Variants in KIAA0825 observed in about 807,000 individuals in gnomAD.
The protein encoded by KIAA0825 is KIAA0825.
A neutral mutation model predicts 147.6 loss-of-function variants in KIAA0825; 119 were observed. The observed-to-expected ratio is 0.81, with a 90% confidence interval of 0.69 to 0.94. The LOEUF (loss-of-function observed/expected upper bound fraction) is 0.94. KIAA0825 is among the 40% of genes least tolerant of loss of function. KIAA0825 has a pLI of 0.00. For synonymous variants in KIAA0825, 470 were observed against 518.1 expected, an observed-to-expected ratio of 0.91 and a Z score of 1.26; for missense variants, 1,381 against 1,472.7, an observed-to-expected ratio of 0.94 and a Z score of 1.02.
chr5:94,267,663 A>T (rs1200510104), intron 20 of KIAA0825, among the ~76,000 whole-genome samples: 2 of 152,094 alleles, frequency 1.3e-5, no homozygotes, highest in Admixed American at 1.3e-4. Context: ...ATTCAGAAAT[A>T]TTTGTTTTGT....
At chr5:94,573,740 T>TC (rs1221851909) in intron 2 of KIAA0825, among the ~76,000 whole-genome samples, 7 of 152,272 alleles carry the variant, frequency 4.6e-5, no homozygotes, top group Admixed American at 4.6e-4. Context: ...ATGCAGATAT[T>TC]CCCCCACAAA....
In KIAA0825 at chr5:94,473,521, T is replaced by G. The variant is rs1319936443; in HGVS notation, c.1228-2A>C. The G allele has an allele frequency of 6.5e-7, 1 of 1,535,492 alleles. No homozygotes were observed. Among genetic ancestry groups the G allele is most frequent in the African/African-American group, 1.4e-5 (1 of 72,692 alleles). ...CCAGCCAAAATCTAGTAAGGTAGCC[T>G]GAAATATCAATGTATATGAAGTCAT... On this transcript the variant is annotated splice_acceptor_variant, in intron 7 of 20. Coordinates refer to ENST00000682413, the MANE Select transcript of KIAA0825 (RefSeq NM_001145678.3). LOFTEE classifies it high-confidence loss of function.
At chr5:94,225,792 G>A (rs573774170) in intron 20 of KIAA0825, among the ~76,000 whole-genome samples, 137 of 152,266 alleles carry the variant, frequency 9.0e-4, no homozygotes, top group African/African-American at 3.2e-3. Context: ...CTCCCAGTGG[G>A]AATACAGCTC....
At chr5:94,602,347 T>C (rs1264668472) in intron 1 of KIAA0825, among the ~76,000 whole-genome samples, 2 of 149,294 alleles carry the variant, frequency 1.3e-5, no homozygotes, top group East Asian at 3.9e-4. Context: ...CAAGACTCTG[T>C]CTCAAAGAAA....
At chr5:94,311,170 A>G (rs1199424884) in intron 20 of KIAA0825, among the ~76,000 whole-genome samples, 1 of 151,096 alleles carries the variant, frequency 6.6e-6, no homozygotes, top group Non-Finnish European at 1.5e-5. Flanking sequence ...GAGAAAGGGA[A>G]TTTTCTAGAT....
chr5:94,452,631 T>A (rs1262679548), intron 13 of KIAA0825, among the ~76,000 whole-genome samples: 1 of 152,184 alleles, frequency 6.6e-6, no homozygotes, highest in Non-Finnish European at 1.5e-5. Flanking sequence ...TAGTTACATG[T>A]CTATGTTTGA....
At chr5:94,477,369 T>G (rs1014813560) in intron 6 of KIAA0825, among the ~76,000 whole-genome samples, 164 bp from the exon 7 acceptor site, 4 of 151,512 alleles carry the variant, frequency 2.6e-5, no homozygotes, top group Admixed American at 6.6e-5. Context: ...GAGAATATAG[T>G]CAAAAAGATG....
intron 20 of KIAA0825, among the ~76,000 whole-genome samples, chr5:94,230,252 T>C (rs1412640447): frequency 6.6e-6 from 1 of 152,224 alleles, no homozygotes; most frequent in African/African-American, 2.4e-5. Flanking sequence ...GGGCAGATAT[T>C]CATTTCTTCT....
chr5:94,492,445 T>G (rs1436499578), intron 5 of KIAA0825, among the ~76,000 whole-genome samples: 1 of 152,250 alleles, frequency 6.6e-6, no homozygotes, highest in Admixed American at 6.5e-5. Flanking sequence ...TTCTCCATGC[T>G]CCTTCCTATT....
intron 20 of KIAA0825, among the ~76,000 whole-genome samples, chr5:94,243,656 T>C (rs1775465299): frequency 1.3e-5 from 2 of 152,160 alleles, no homozygotes; most frequent in Non-Finnish European, 2.9e-5. Context: ...CCTAGGTCCA[T>C]AAAATCTTAG....
intron 20 of KIAA0825, among the ~76,000 whole-genome samples, chr5:94,344,468 A>G (rs1782774169): frequency 6.6e-6 from 1 of 152,210 alleles, no homozygotes; most frequent in East Asian, 1.9e-4. Context: ...GCTAATGATA[A>G]TGTAAAATAG....
chr5:94,582,015 T>C (rs144585781), intron 2 of KIAA0825, among the ~76,000 whole-genome samples: 228 of 152,386 alleles, frequency 1.5e-3, no homozygotes, highest in African/African-American at 5.3e-3. Flanking sequence ...AGTGGTATTT[T>C]ATTTTCTGGA....
At chr5:94,613,607 T>A (rs1007102351) in intron 1 of KIAA0825, among the ~76,000 whole-genome samples, 2 of 152,190 alleles carry the variant, frequency 1.3e-5, no homozygotes, top group Admixed American at 1.3e-4. Context: ...AAGTACTCAA[T>A]CTAGGGAGGT....
In KIAA0825 at chr5:94,583,464, C is replaced by T. The variant is rs1169972286; in HGVS notation, c.-152-881G>A. On this transcript the variant is annotated intron_variant, in intron 1 of 20. Transcript: ENST00000682413. ...AGCTTGGCAGTGGGAAGGGTGTCAG[C>T]CATTGTTCAGGCTTGAGTAGACGGT... is the stretch of plus-strand genomic sequence containing the variant. Among the ~76,000 whole-genome samples the T allele has an allele frequency of 2.0e-5, 3 of 152,306 alleles. No individual in the cohort carries two copies. The East Asian group carries it at 5.8e-4, about 29-fold the overall frequency.
intron 20 of KIAA0825, among the ~76,000 whole-genome samples, chr5:94,161,477 C>G (rs1308487666): frequency 6.6e-6 from 1 of 152,174 alleles, no homozygotes; most frequent in Non-Finnish European, 1.5e-5. Flanking sequence ...TCCCAACTAC[C>G]TAAGACTAAT....
At chr5:94,314,789 G>C (rs1779493091) in intron 20 of KIAA0825, among the ~76,000 whole-genome samples, 1 of 151,530 alleles carries the variant, frequency 6.6e-6, no homozygotes, top group Admixed American at 6.6e-5. Flanking sequence ...TTGACAGTGT[G>C]CTAAATTCCT....
intron 20 of KIAA0825, among the ~76,000 whole-genome samples, chr5:94,287,509 T>TA (rs1381710919): frequency 6.6e-6 from 1 of 152,212 alleles, no homozygotes; most frequent in Non-Finnish European, 1.5e-5. Flanking sequence ...AGGATTGAGA[T>TA]ACCTTATTTT....
chr5:94,304,772 A>G (rs1303571592), intron 20 of KIAA0825, among the ~76,000 whole-genome samples: 2 of 152,056 alleles, frequency 1.3e-5, no homozygotes, highest in African/African-American at 4.8e-5. Flanking sequence ...ACATTTCAGA[A>G]CTGAAAATAC....
rs577905967 is a variant in KIAA0825, at chr5:94,287,100, C to T, written c.3710+97268G>A. 5.3e-5 allele frequency among the ~76,000 whole-genome samples: 8 copies of T among 152,214 alleles called. No homozygotes were observed. In the South Asian group the frequency reaches 1.7e-3, roughly 32 times the overall value. On this transcript the variant is annotated intron_variant, in intron 20 of 20. Coordinates refer to ENST00000682413, the MANE Select transcript of KIAA0825 (RefSeq NM_001145678.3). ...TAGATAGGGATAATAATACCTGTAC[C>T]TTGAATGGTCATCATGAAGATAAAA...
Sources: gnomAD v4.1 joint callset for allele counts (sites outside exome capture counted in the v4.1 genomes callset) on GRCh38, gnomAD v4.1.1 for gene constraint, MANE v1.5 for transcripts, NCBI Gene and HGNC (gene_info 2026-07-23, HGNC 2026-07-21) for gene names.